Variants in SLK observed in about 807,000 individuals in gnomAD.
SLK encodes STE20 like kinase.
Under a neutral mutation model 147.7 loss-of-function variants are expected in SLK, and 67 were observed. The observed-to-expected ratio is 0.45, with a 90% confidence interval of 0.37 to 0.56. SLK has a LOEUF of 0.56. Ranked by LOEUF, SLK falls within the 20% of genes least tolerant of loss-of-function variation. The probability of loss-of-function intolerance (pLI) is 0.00; values close to 1 mark genes in which losing one functional copy is unlikely to be tolerated. For missense variants in SLK, 1,136 were observed against 1,438.8 expected (o/e 0.79, Z 3.41); for synonymous variants, 441 against 475.0 (o/e 0.93, Z 0.93).
intron 4 of SLK, among the ~76,000 whole-genome samples, chr10:103,997,299 C>T (rs184010953): frequency 2.0e-5 from 3 of 152,328 alleles, no homozygotes; most frequent in East Asian, 1.9e-4. Context: ...ATGTATATAA[C>T]ACATTTTGTT....
chr10:104,007,769 A>AAATG, intron 11 of SLK, among the ~76,000 whole-genome samples: 1 of 89,744 alleles, frequency 1.1e-5, no homozygotes, highest in African/African-American at 6.2e-5. Context: ...CTATCTCTCC[A>AAATG]AATAAATAAA....
chr10:103,982,279 T>G (rs1302167541), intron 1 of SLK, among the ~76,000 whole-genome samples: 2 of 152,234 alleles, frequency 1.3e-5, no homozygotes, highest in Non-Finnish European at 2.9e-5. Context: ...TGTGTTTGTT[T>G]CTGCATATTC....
Position 104,002,360 on chromosome 10 carries a change from G to A in SLK, c.1182G>A (p.Val394=). 1 of 1,613,542 alleles carries A rather than the reference G, an allele frequency of 6.2e-7. No homozygotes were observed. The highest frequency in any genetic ancestry group is 8.5e-7 in the Non-Finnish European group (1 of 1,179,706). The change falls in exon 9 of 19, where the codon GTG becomes GTA. Residue 394 remains valine, a synonymous_variant. Transcript: ENST00000369755. ...CCACTGATGAACCTGAAAAGGCTGT[G>A]GAGGATATTAATGAACATATTACCG... ...KPTTDEPEKA[V]EDINEHITDA...
At chr10:103,977,249 A>G (rs1564650270) in intron 1 of SLK, among the ~76,000 whole-genome samples, 1 of 152,220 alleles carries the variant, frequency 6.6e-6, no homozygotes, top group Non-Finnish European at 1.5e-5. Context: ...TAAATTTATT[A>G]GAAAACAAAG....
intron 1 of SLK, among the ~76,000 whole-genome samples, chr10:103,971,007 T>G (rs1383785656): frequency 6.6e-6 from 1 of 152,192 alleles, no homozygotes. Flanking sequence ...TCAGATTAGA[T>G]TTTCAGATTT....
chr10:103,981,182 G>A lies in SLK; in HGVS notation c.151-9493G>A, dbSNP rs890125245. Among the ~76,000 whole-genome samples the A allele has an allele frequency of 5.9e-5, 8 of 136,320 alleles. No individual in the cohort carries two copies. The South Asian group carries it at 7.0e-4, about 12-fold the overall frequency. The allele number at this position is 136,320 out of a possible 152,430, so 89.4% of individuals were successfully genotyped here. On this transcript the variant is annotated intron_variant, in intron 1 of 18. Transcript: ENST00000369755. Reference sequence around the variant, plus strand: ...CTATTTTTGAATTGGGCTAGTTGTGGGTTTTTTTTGTTGTTGTTGTTGTTG... The same window carrying A: ...CTATTTTTGAATTGGGCTAGTTGTGAGTTTTTTTTGTTGTTGTTGTTGTTG...
chr10:103,978,499 G>T (rs774993307), intron 1 of SLK, among the ~76,000 whole-genome samples: 2 of 152,032 alleles, frequency 1.3e-5, no homozygotes, highest in East Asian at 3.9e-4. Context: ...AACTGAGATG[G>T]TTTTGAAATT....
At chr10:104,006,835 T>C (rs1203265476) in intron 11 of SLK, among the ~76,000 whole-genome samples, 2 of 152,204 alleles carry the variant, frequency 1.3e-5, no homozygotes, top group African/African-American at 4.8e-5. Flanking sequence ...TTTGTTCTCA[T>C]TGAGTATTTT....
At position 103,968,008 on chromosome 10, in the gene SLK, A is replaced by T. The variant is rs531353284; in HGVS notation, c.150+113A>T. 61 of 1,121,470 alleles carry T rather than the reference A, an allele frequency of 5.4e-5. No homozygotes were observed. In the African/African-American group the frequency reaches 9.3e-4, roughly 17 times the overall value. The allele number at this position is 1,121,470 out of a possible 1,614,324, so 69.5% of individuals were successfully genotyped here. A position where few individuals can be genotyped will look rare whatever the true frequency, so the allele number is the denominator to read the frequency against. ...TTATCCTGTCCTTCTTTTGACTGTT[A>T]CGGTTCGATGCAACTTTACTTGGCT... On this transcript the variant is annotated intron_variant, in intron 1 of 18. Coordinates refer to ENST00000369755, the MANE Select transcript of SLK (RefSeq NM_014720.4).
In SLK at chr10:104,002,711, A is replaced by G; in HGVS notation, c.1533A>G (p.Ala511=). Residue 511 remains alanine, a synonymous_variant, in exon 9 of 19, where the codon GCA becomes GCG. Coordinates refer to ENST00000369755, the MANE Select transcript of SLK (RefSeq NM_014720.4). The part of the protein sequence containing the change: ...LVSQETGEKE[A]NIQAVDSEVG... ...CTCAAGAGACTGGAGAAAAAGAGGCAAATATTCAGGCAGTTGATAGTGAAG... is the reference window on the plus strand; with the variant it reads ...CTCAAGAGACTGGAGAAAAAGAGGCGAATATTCAGGCAGTTGATAGTGAAG... 1 of 1,612,614 alleles carries G rather than the reference A, an allele frequency of 6.2e-7. No individual in the cohort carries two copies. The highest frequency in any genetic ancestry group is 8.5e-7 in the Non-Finnish European group (1 of 1,179,460).
intron 12 of SLK, 66 bp downstream of exon 12, chr10:104,008,422 C>CTT: frequency 8.7e-7 from 1 of 1,149,890 alleles, no homozygotes. Flanking sequence ...TTAAGACTAT[C>CTT]TAAGGATTTA....
chr10:104,019,708 C>T, intron 15 of SLK, 26 bp from the exon 16 acceptor site: 1 of 1,570,542 alleles, frequency 6.4e-7, no homozygotes, highest in Non-Finnish European at 8.8e-7. Flanking sequence ...TTCTGCGTCA[C>T]TGGATTCTAT....
chr10:103,983,877 C>G (rs1843978425), intron 1 of SLK, among the ~76,000 whole-genome samples: 1 of 152,212 alleles, frequency 6.6e-6, no homozygotes, highest in Non-Finnish European at 1.5e-5. Context: ...GAGCAGCACT[C>G]TGTCCTCAGA....
chr10:104,015,854 C>T (rs1021467080), intron 13 of SLK, among the ~76,000 whole-genome samples: 5 of 151,764 alleles, frequency 3.3e-5, no homozygotes, highest in African/African-American at 9.7e-5. Flanking sequence ...TTTTTTGTGC[C>T]TAAATGTAAG....
chr10:103,986,009 C>A (rs537697358), intron 1 of SLK, among the ~76,000 whole-genome samples: 1 of 152,214 alleles, frequency 6.6e-6, no homozygotes, highest in Admixed American at 6.5e-5. Context: ...TATTTGAAAT[C>A]TTTTTATCAA....
intron 11 of SLK, among the ~76,000 whole-genome samples, chr10:104,007,315 C>T (rs1314409845): frequency 6.6e-6 from 1 of 151,982 alleles, no homozygotes; most frequent in Non-Finnish European, 1.5e-5. Context: ...TAATAGAAAA[C>T]AAATTTTGGG....
intron 18 of SLK, among the ~76,000 whole-genome samples, chr10:104,023,422 A>G (rs1213233343): frequency 6.6e-6 from 1 of 152,140 alleles, no homozygotes; most frequent in East Asian, 1.9e-4. Context: ...TTACTGATTA[A>G]TTTTCTCACT....
At chr10:104,012,747 A>C (rs1844416197) in intron 13 of SLK, among the ~76,000 whole-genome samples, 1 of 152,206 alleles carries the variant, frequency 6.6e-6, no homozygotes, top group Non-Finnish European at 1.5e-5. Context: ...AACTCTCGTC[A>C]GCTTGACTCA....
chr10:103,976,935 A>G (rs1034213329), intron 1 of SLK, among the ~76,000 whole-genome samples: 1 of 152,180 alleles, frequency 6.6e-6, no homozygotes, highest in Non-Finnish European at 1.5e-5. Flanking sequence ...TGGACAGGAT[A>G]ATCCTTTTTT....
Sources: gnomAD v4.1 joint callset for allele counts (sites outside exome capture counted in the v4.1 genomes callset) on GRCh38, gnomAD v4.1.1 for gene constraint, MANE v1.5 for transcripts, NCBI Gene and HGNC (gene_info 2026-07-23, HGNC 2026-07-21) for gene names.